RIPOR2: variants seen among roughly 807,000 people sequenced by gnomAD.
RIPOR2 encodes rho family-interacting cell polarization regulator 2.
Under a neutral mutation model 114.5 loss-of-function variants are expected in RIPOR2, and 39 were observed. That is an observed-to-expected ratio of 0.34 (90% CI 0.26 to 0.44). RIPOR2 has a LOEUF of 0.44. Among genes scored for constraint, RIPOR2 ranks in the 20% least tolerant of loss-of-function variants. RIPOR2 has a pLI of 1.00. For missense variants in RIPOR2, 1,007 were observed against 1,255.1 expected (o/e 0.80, Z 2.99); for synonymous variants, 445 against 484.4 (o/e 0.92, Z 1.07).
intron 1 of RIPOR2, among the ~76,000 whole-genome samples, chr6:24,917,153 A>G (rs1290472980): frequency 6.6e-6 from 1 of 152,216 alleles, no homozygotes; most frequent in Non-Finnish European, 1.5e-5. Context: ...TTCAAGATCC[A>G]TTGATACAAT....
intron 18 of RIPOR2, among the ~76,000 whole-genome samples, chr6:24,827,703 T>A (rs1760311918): frequency 6.6e-6 from 1 of 152,202 alleles, no homozygotes. Context: ...CTGGAGTTAG[T>A]TTTCCACCTT....
At chr6:25,040,592 CTTTTTTTTTT>C (rs34600543) in intron 1 of RIPOR2, among the ~76,000 whole-genome samples, 4 of 136,064 alleles carry the variant, frequency 2.9e-5, no homozygotes, top group Non-Finnish European at 6.3e-5. Context: ...GTGTTTCTTG[CTTTTTTTTTT>C]TTTTTTCGAG....
intron 1 of RIPOR2, among the ~76,000 whole-genome samples, chr6:24,954,721 G>A (rs1465798523): frequency 1.3e-5 from 2 of 152,056 alleles, no homozygotes; most frequent in Admixed American, 6.6e-5. Flanking sequence ...ATGCTGAGAT[G>A]ACAGGTGTGA....
At position 24,974,401 on chromosome 6, in the gene RIPOR2, C is replaced by CT. The variant is rs548938896; in HGVS notation, c.76+67449_76+67450insA. Among the ~76,000 whole-genome samples the CT allele has an allele frequency of 8.5e-3, 1,134 of 133,922 alleles. 10 individuals are homozygous for CT. Among genetic ancestry groups the CT allele is most frequent in the African/African-American group, 0.035 (983 of 28,142 alleles). The allele number at this position is 133,922 out of a possible 152,430, so 87.9% of individuals were successfully genotyped here. On this transcript the variant is annotated intron_variant, in intron 1 of 13. Coordinates refer to the RIPOR2 transcript ENST00000510784. The stretch of plus-strand genomic sequence containing the variant: ...CAAAAAACAAACAAACAAAAAAACC[C>CT]AATTGAAATTATAAAATATGTTCAA...
chr6:24,907,944 G>A (rs1018171860), intron 1 of RIPOR2, among the ~76,000 whole-genome samples: 1 of 152,114 alleles, frequency 6.6e-6, no homozygotes, highest in Non-Finnish European at 1.5e-5. Context: ...AATTATGAGT[G>A]ACTGGGCTAT....
rs1238787353 is a variant in RIPOR2 at position 24,927,177 on chromosome 6, CACCATG to C, written c.61+8655_61+8660del. Among the ~76,000 whole-genome samples, 15 of 25,988 alleles carry C rather than the reference CACCATG, an allele frequency of 5.8e-4. 4 individuals are homozygous for C. The highest frequency in any genetic ancestry group is 2.6e-3 in the Admixed American group (7 of 2,680). The allele number at this position is 25,988 out of a possible 152,430, so 17.0% of individuals were successfully genotyped here. A position where few individuals can be genotyped will look rare whatever the true frequency, so the allele number is the denominator to read the frequency against. The stretch of plus-strand genomic sequence containing the variant: ...CCACCACCACAACTACAATCACCAC[CACCATG>C]ACCACCACCACAACTACAAGCACCA... On this transcript the variant is annotated intron_variant, in intron 1 of 21. Coordinates refer to ENST00000643898, the MANE Select transcript of RIPOR2 (RefSeq NM_001286445.3).
chr6:24,856,896 G>A (rs1763522963), intron 8 of RIPOR2, among the ~76,000 whole-genome samples: 1 of 151,848 alleles, frequency 6.6e-6, no homozygotes, highest in Non-Finnish European at 1.5e-5. Flanking sequence ...TCCTTTGAAG[G>A]TGTTTTTCCC....
chr6:24,878,537 C>A (rs1766031212), intron 1 of RIPOR2, among the ~76,000 whole-genome samples: 1 of 152,132 alleles, frequency 6.6e-6, no homozygotes, highest in Non-Finnish European at 1.5e-5. Context: ...TTAACTATAT[C>A]ATTATCTCAT....
chr6:25,041,897 G>C (rs1373962347), exon 1 of RIPOR2: 1 of 702,900 alleles, frequency 1.4e-6, no homozygotes, highest in Non-Finnish European at 2.6e-6. Context: ...GCCTGTTTCT[G>C]ATCCAGTGTA....
At chr6:24,941,563 A>G (rs1772135263) in intron 1 of RIPOR2, among the ~76,000 whole-genome samples, 1 of 152,216 alleles carries the variant, frequency 6.6e-6, no homozygotes, top group African/African-American at 2.4e-5. Context: ...ATTGTCCCAA[A>G]TTAAAATACA....
intron 1 of RIPOR2, among the ~76,000 whole-genome samples, chr6:24,876,159 G>A (rs148271592): frequency 3.3e-4 from 50 of 151,978 alleles, no homozygotes; most frequent in Middle Eastern, 3.4e-3. Flanking sequence ...GCGTGGTGGC[G>A]CATGTCTGTA....
At chr6:24,845,190 T>C (rs1375047260) in intron 12 of RIPOR2, among the ~76,000 whole-genome samples, 3 of 152,180 alleles carry the variant, frequency 2.0e-5, no homozygotes, top group Non-Finnish European at 4.4e-5. Context: ...CTATTAGTGA[T>C]TATTGAACTG....
At chr6:24,826,160 C>T (rs1047478990) in intron 18 of RIPOR2, among the ~76,000 whole-genome samples, 4 of 152,076 alleles carry the variant, frequency 2.6e-5, no homozygotes, top group Admixed American at 2.6e-4. Context: ...CTCCCGACCT[C>T]AAGTGATCCA....
At chr6:25,005,989 T>C (rs1354053510) in intron 1 of RIPOR2, among the ~76,000 whole-genome samples, 1 of 152,060 alleles carries the variant, frequency 6.6e-6, no homozygotes, top group Non-Finnish European at 1.5e-5. Flanking sequence ...AAGGTTTATA[T>C]ATTTCCTTCC....
intron 1 of RIPOR2, among the ~76,000 whole-genome samples, chr6:25,012,008 A>G (rs540144790): frequency 1.3e-5 from 2 of 152,374 alleles, no homozygotes; most frequent in Admixed American, 1.3e-4. Context: ...TGTCCAGAAC[A>G]TATAGAGAAC....
At chr6:24,898,995 C>G (rs1336715206) in intron 1 of RIPOR2, among the ~76,000 whole-genome samples, 1 of 145,688 alleles carries the variant, frequency 6.9e-6, no homozygotes, top group Non-Finnish European at 1.5e-5. Context: ...ACCTCTTAGC[C>G]TTCTCTCAAT....
intron 1 of RIPOR2, among the ~76,000 whole-genome samples, chr6:24,961,905 G>A (rs969594309): frequency 2.6e-5 from 4 of 152,114 alleles, no homozygotes; most frequent in Non-Finnish European, 4.4e-5. Context: ...GGGATTATAA[G>A]CATGAGCCAC....
intron 1 of RIPOR2, among the ~76,000 whole-genome samples, chr6:24,891,053 T>C (rs1247867384): frequency 3.3e-5 from 5 of 152,084 alleles, no homozygotes; most frequent in African/African-American, 1.2e-4. Context: ...TGAAAAAAAG[T>C]AGAGGAAGAA....
chr6:24,957,658 G>A (rs1773097123), intron 1 of RIPOR2, among the ~76,000 whole-genome samples: 1 of 152,156 alleles, frequency 6.6e-6, no homozygotes, highest in African/African-American at 2.4e-5. Context: ...TGGATCACGA[G>A]GTCAGGAGAT....
Sources: allele counts gnomAD v4.1 joint callset (sites outside exome capture counted in the v4.1 genomes callset), GRCh38; gene constraint gnomAD v4.1.1; transcripts MANE v1.5; gene names NCBI Gene and HGNC (gene_info 2026-07-23, HGNC 2026-07-21).